PPARGC1A: variants seen among roughly 807,000 people sequenced by gnomAD.
PPARGC1A encodes the protein PPARG coactivator 1 alpha.
In PPARGC1A, 25 loss-of-function variants were observed where a neutral mutation model predicts 88.7. The ratio of observed to expected loss-of-function variants is 0.28; its 90% CI spans 0.21 to 0.39. PPARGC1A has a LOEUF of 0.39. PPARGC1A is among the 10% of genes least tolerant of loss of function. The pLI, the probability that PPARGC1A is intolerant of heterozygous loss-of-function variation, is 1.00. For missense variants in PPARGC1A, 880 were observed against 968.7 expected, an observed-to-expected ratio of 0.91 and a Z score of 1.22; for synonymous variants, 363 against 355.6, an observed-to-expected ratio of 1.02 and a Z score of -0.24.
chr4:24,000,700 C>T, the PPARGC1A span, among the ~76,000 whole-genome samples: 1 of 152,076 alleles, frequency 6.6e-6, no homozygotes, highest in East Asian at 1.9e-4. Flanking sequence ...TGACGCTAGG[C>T]AGCTAAGTGC....
At chr4:23,831,531 T>C (rs1382032344) in intron 3 of PPARGC1A, 26 bp downstream of exon 3, 2 of 1,600,240 alleles carry the variant, frequency 1.2e-6, no homozygotes, top group Non-Finnish European at 1.7e-6. Flanking sequence ...CTCCAATTCC[T>C]GCTAAACAGT....
the PPARGC1A span, among the ~76,000 whole-genome samples, chr4:23,919,900 G>T: frequency 6.6e-6 from 1 of 152,152 alleles, no homozygotes; most frequent in African/African-American, 2.4e-5. Flanking sequence ...TAAGGTTCTT[G>T]CTAATAAAAG....
the PPARGC1A span, among the ~76,000 whole-genome samples, chr4:24,384,558 C>CAAAAAAAAAAA: frequency 1.9e-5 from 1 of 53,956 alleles, no homozygotes; most frequent in African/African-American, 5.5e-5. Context: ...AAATGGAAAG[C>CAAAAAAAAAAA]AAAAAAAAAA....
the PPARGC1A span, among the ~76,000 whole-genome samples, chr4:24,115,746 T>C: frequency 6.6e-6 from 1 of 152,264 alleles, no homozygotes; most frequent in East Asian, 1.9e-4. Context: ...CATTAATGGC[T>C]CTTCTTCATT....
chr4:24,400,228 C>T, the PPARGC1A span, among the ~76,000 whole-genome samples: 3,340 of 152,220 alleles, frequency 0.022, 64 homozygotes, highest in Middle Eastern at 0.027. Context: ...GGATGGGTGT[C>T]GCCAAAAGAG....
chr4:24,029,994 C>G, the PPARGC1A span, among the ~76,000 whole-genome samples: 2 of 152,104 alleles, frequency 1.3e-5, no homozygotes, highest in Non-Finnish European at 2.9e-5. Context: ...GGAGAGACTT[C>G]CCGTGCAACA....
At chr4:24,337,575 A>G in the PPARGC1A span, among the ~76,000 whole-genome samples, 1 of 151,890 alleles carries the variant, frequency 6.6e-6, no homozygotes, top group African/African-American at 2.4e-5. Context: ...ATGATGTCTG[A>G]CCAGTCCCTA....
At chr4:24,014,202 G>C in the PPARGC1A span, among the ~76,000 whole-genome samples, 3 of 152,106 alleles carry the variant, frequency 2.0e-5, no homozygotes, top group Non-Finnish European at 4.4e-5. Context: ...CTGAGTTCAC[G>C]TACAGTTGCA....
At chr4:24,013,702 C>T in the PPARGC1A span, among the ~76,000 whole-genome samples, 2 of 152,148 alleles carry the variant, frequency 1.3e-5, no homozygotes, top group African/African-American at 2.4e-5. Flanking sequence ...AATCCTGCTT[C>T]GGTAAGTTCA....
At chr4:24,056,738 C>G in the PPARGC1A span, among the ~76,000 whole-genome samples, 96,944 of 151,888 alleles carry the variant, frequency 0.64, 31,165 homozygotes, top group African/African-American at 0.66. Context: ...AGGCATATAG[C>G]GTACTTATCA....
chr4:24,333,171 G>A, the PPARGC1A span, among the ~76,000 whole-genome samples: 2 of 152,154 alleles, frequency 1.3e-5, no homozygotes, highest in African/African-American at 2.4e-5. Flanking sequence ...TTGAACCCAG[G>A]AGGTGGTGGT....
chr4:24,387,746 A>AG, the PPARGC1A span, among the ~76,000 whole-genome samples: 139 of 61,144 alleles, frequency 2.3e-3, 2 homozygotes, highest in Middle Eastern at 7.2e-3. Flanking sequence ...GAAAGAAAGA[A>AG]AGAGAGAGAG....
At chr4:24,431,704 A>G in the PPARGC1A span, among the ~76,000 whole-genome samples, 1 of 152,154 alleles carries the variant, frequency 6.6e-6, no homozygotes, top group Non-Finnish European at 1.5e-5. Context: ...TCATCTCCAT[A>G]CATATTTGTG....
the PPARGC1A span, among the ~76,000 whole-genome samples, chr4:24,305,742 G>A: frequency 6.6e-6 from 1 of 152,264 alleles, no homozygotes; most frequent in Middle Eastern, 3.4e-3. Context: ...AACCCAGGAG[G>A]CGGAGGTTGC....
At chr4:24,289,444 C>T in the PPARGC1A span, among the ~76,000 whole-genome samples, 1 of 152,206 alleles carries the variant, frequency 6.6e-6, no homozygotes, top group African/African-American at 2.4e-5. Flanking sequence ...CCCTCTGGGA[C>T]ATTTCTTCTT....
chr4:23,914,364 T>G, the PPARGC1A span, among the ~76,000 whole-genome samples: 1 of 152,236 alleles, frequency 6.6e-6, no homozygotes, highest in Non-Finnish European at 1.5e-5. Flanking sequence ...TATTGATTAC[T>G]TGCCCTCTAA....
chr4:24,242,920 T>C, the PPARGC1A span, among the ~76,000 whole-genome samples: 1 of 152,158 alleles, frequency 6.6e-6, no homozygotes, highest in Non-Finnish European at 1.5e-5. Context: ...AGTCTGTTTA[T>C]TGGGGAAACC....
At chr4:24,183,761 A>C in the PPARGC1A span, among the ~76,000 whole-genome samples, 3 of 152,172 alleles carry the variant, frequency 2.0e-5, no homozygotes, top group Non-Finnish European at 4.4e-5. Flanking sequence ...AAGGATCTAC[A>C]TGTGATAAAG....
chr4:24,307,689 T>C, the PPARGC1A span, among the ~76,000 whole-genome samples: 7 of 152,214 alleles, frequency 4.6e-5, no homozygotes, highest in African/African-American at 1.7e-4. Context: ...AAAGGAAGTC[T>C]TGATTCAGTA....
Sources: gnomAD v4.1 joint callset for allele counts (sites outside exome capture counted in the v4.1 genomes callset) on GRCh38, gnomAD v4.1.1 for gene constraint, MANE v1.5 for transcripts, NCBI Gene and HGNC (gene_info 2026-07-23, HGNC 2026-07-21) for gene names.